PODNL1: variants seen among roughly 807,000 people sequenced by gnomAD.
PODNL1 encodes podocan-like protein 1.
PODNL1 carries 50 observed loss-of-function variants against 45.1 expected under a neutral mutation model. That is an observed-to-expected ratio of 1.11 (90% CI 0.88 to 1.40). PODNL1 has a LOEUF of 1.40. PODNL1 is among the 40% of genes most tolerant of loss of function. The probability of loss-of-function intolerance (pLI) is 0.00; values close to 1 mark genes in which losing one functional copy is unlikely to be tolerated. For missense variants in PODNL1, 788 were observed against 793.3 expected (o/e 0.99, Z 0.08); for synonymous variants, 406 against 372.5 (o/e 1.09, Z -1.04).
At position 13,936,034 on chromosome 19, in the gene PODNL1, G is replaced by A. The variant is rs373116090; in HGVS notation, c.330C>T (p.Asp110=). Reference sequence around the variant, plus strand: ...GCTGGGTGAGGGACTCGAAGGCCTCGTCAGGCAGGCCTGGGAGAGTAGGGG... The same window carrying A: ...GCTGGGTGAGGGACTCGAAGGCCTCATCAGGCAGGCCTGGGAGAGTAGGGG... ...NNLISSEGLP[D]EAFESLTQLQ... The change falls in exon 4 of 10, where the codon GAC becomes GAT. Residue 110 remains aspartate, a synonymous_variant. Coordinates refer to ENST00000588872, the MANE Select transcript of PODNL1 (RefSeq NM_001370095.3). 5.2e-5 allele frequency: 80 copies of A among 1,550,720 alleles called. No individual in the cohort carries two copies. In the Middle Eastern group the frequency reaches 6.6e-4, roughly 13 times the overall value.
rs1411001566 is a variant in PODNL1 at position 13,933,421 on chromosome 19, G to T, written c.802C>A (p.His268Asn). 6.3e-7 allele frequency: 1 copy of T among 1,593,844 alleles called. No individual in the cohort carries two copies. The highest frequency in any genetic ancestry group is 1.1e-5 in the South Asian group (1 of 89,494). ...GCGGGCACTGTGGTCAGCTGGTTGT[G>T]GGAGAGATCCAGGTATTCAAGGCTA... is the stretch of plus-strand genomic sequence containing the variant. Reference protein sequence around the residue: ...LHSLEYLDLSHNQLTTVPAGL... With the variant: ...LHSLEYLDLSNNQLTTVPAGL... Residue 268 changes from histidine (H) to asparagine (N), a missense_variant, in exon 8 of 10, where the codon CAC becomes AAC. His to Asn is a moderately conservative substitution (Grantham distance 68, BLOSUM62 1). This residue lies in a region of PODNL1 where 762 missense variants were observed against 750.9 expected (regional missense o/e 1.01). Transcript: ENST00000588872. The surrounding 1 kb of genome is among the most constrained non-coding windows in gnomAD (Gnocchi z 5.2).
intron 1 of PODNL1, among the ~76,000 whole-genome samples, chr19:13,950,755 A>G (rs951602874): frequency 8.5e-5 from 13 of 152,186 alleles, no homozygotes; most frequent in African/African-American, 3.1e-4. Context: ...CTAAAGATAC[A>G]TTGTGATGGC....
At chr19:13,934,047 G>T in intron 6 of PODNL1, 54 bp from the exon 7 acceptor site, 2 of 1,487,872 alleles carry the variant, frequency 1.3e-6, no homozygotes, top group Non-Finnish European at 1.8e-6. Flanking sequence ...GCAGCGGGAA[G>T]CCACAGACGG....
chr19:13,937,958 CGACGGGCGG>C lies in PODNL1; in HGVS notation c.43_51del (p.Pro15_Val17del), dbSNP rs779702654. On this transcript the variant is annotated inframe_deletion, in exon 2 of 10. Transcript: ENST00000588872. ...GGGAAGGCAGCGTCTTCCAAGCCGG[CGACGGGCGG>C]GGGCCCCGGCAACAGCAGGAGCAGC... 190 of 1,542,312 alleles carry C rather than the reference CGACGGGCGG, an allele frequency of 1.2e-4. No individual in the cohort carries two copies. The highest frequency in any genetic ancestry group is 1.4e-4 in the Non-Finnish European group (158 of 1,140,684).
At chr19:13,950,223 A>G (rs1240327332) in intron 1 of PODNL1, among the ~76,000 whole-genome samples, 3 of 152,096 alleles carry the variant, frequency 2.0e-5, no homozygotes, top group Non-Finnish European at 4.4e-5. Context: ...GCTGGAGTGC[A>G]GTGGCACCAT....
At chr19:13,937,472 C>T (rs1972453035) in intron 2 of PODNL1, among the ~76,000 whole-genome samples, 1 of 150,496 alleles carries the variant, frequency 6.6e-6, no homozygotes, top group Non-Finnish European at 1.5e-5. Flanking sequence ...CCCCACACGC[C>T]ACAACATCCC....
intron 1 of PODNL1, among the ~76,000 whole-genome samples, chr19:13,947,170 GAAAAAAAAAAAA>G (rs758733245): frequency 2.5e-3 from 67 of 27,088 alleles, no homozygotes; most frequent in African/African-American, 7.2e-3. Flanking sequence ...CTCCATCTCA[GAAAAAAAAAAAA>G]AAAAAAAAAA....
intron 5 of PODNL1, 23 bp from the exon 6 acceptor site, chr19:13,934,433 C>A: frequency 6.8e-7 from 1 of 1,479,728 alleles, no homozygotes; most frequent in South Asian, 1.4e-5. Context: ...AGGCTCCGGC[C>A]ACCAGCCTGC....
chr19:13,940,817 G>A (rs1972633627), upstream of PODNL1, among the ~76,000 whole-genome samples: 2 of 152,188 alleles, frequency 1.3e-5, no homozygotes, highest in African/African-American at 4.8e-5. Flanking sequence ...TTGGGAGGCA[G>A]AGGTTGCAGT....
In PODNL1 at chr19:13,934,510, T is replaced by C. The variant is rs1334752801; in HGVS notation, c.495-100A>G. ...CAGGGTCGCCTTCAGTGTGTGTGTG[T>C]GTGTGTGTGTGTGTGTGCGCGCGCA... On this transcript the variant is annotated intron_variant, in intron 5 of 9. Transcript: ENST00000588872. The C allele has an allele frequency of 4.6e-6, 5 of 1,077,408 alleles. No homozygotes were observed. In the African/African-American group the frequency reaches 4.9e-5, roughly 10 times the overall value. 66.7% of individuals were successfully genotyped at this position (1,077,408 alleles called of 1,614,324 possible).
Position 13,933,814 on chromosome 19 carries a change from G to A in PODNL1, c.767+64C>T. On this transcript the variant is annotated intron_variant, in intron 7 of 9. Transcript: ENST00000588872. The surrounding 1 kb of genome is among the most constrained non-coding windows in gnomAD (Gnocchi z 5.2). Reference sequence around the variant, plus strand: ...GCTTAGGAGCCAGTCAGGGAAGGGGGACTGAAGGTTGGGACCCCCGACTGT... The same window carrying A: ...GCTTAGGAGCCAGTCAGGGAAGGGGAACTGAAGGTTGGGACCCCCGACTGT... 2.2e-6 allele frequency: 3 copies of A among 1,373,072 alleles called. No homozygotes were observed. The highest frequency in any genetic ancestry group is 3.0e-6 in the Non-Finnish European group (3 of 987,322). 85.1% of individuals were successfully genotyped at this position (1,373,072 alleles called of 1,614,324 possible).
intron 1 of PODNL1, among the ~76,000 whole-genome samples, chr19:13,945,896 A>AC (rs977664328): frequency 3.4e-5 from 5 of 146,704 alleles, no homozygotes; most frequent in South Asian, 2.2e-4. Context: ...TAAAAAAAAA[A>AC]AAACAAACTT....
At chr19:13,943,121 A>T (rs551267658), upstream of PODNL1, among the ~76,000 whole-genome samples, 12 of 151,418 alleles carry the variant, frequency 7.9e-5, no homozygotes, top group East Asian at 1.9e-3. Context: ...ACATGGATAA[A>T]CCCCGTCTCT....
chr19:13,942,395 A>G (rs1972683372), upstream of PODNL1, among the ~76,000 whole-genome samples: 1 of 152,138 alleles, frequency 6.6e-6, no homozygotes, highest in Non-Finnish European at 1.5e-5. Flanking sequence ...TCATTGGCCT[A>G]AATTTGGTCA....
At chr19:13,934,986 G>A (rs1026392714) in intron 5 of PODNL1, among the ~76,000 whole-genome samples, 8 of 152,042 alleles carry the variant, frequency 5.3e-5, no homozygotes, top group Non-Finnish European at 1.0e-4. Context: ...ATGTGATTGC[G>A]TGTGCATGCA....
chr19:13,948,221 C>T (rs1345930624), intron 1 of PODNL1, among the ~76,000 whole-genome samples: 16 of 148,886 alleles, frequency 1.1e-4, no homozygotes, highest in African/African-American at 3.7e-4. Context: ...TTTTTTGAGA[C>T]GGAGTCTTGA....
chr19:13,951,310 A>T (rs368815571), intron 1 of PODNL1, among the ~76,000 whole-genome samples: 3 of 150,250 alleles, frequency 2.0e-5, no homozygotes, highest in Non-Finnish European at 3.0e-5. Context: ...TGAAGACAAT[A>T]AAAAAAAACT....
chr19:13,933,462 GGA>G lies in PODNL1; in HGVS notation c.768-9_768-8del, dbSNP rs1360370232. On this transcript the variant is annotated splice_polypyrimidine_tract_variant and splice_region_variant and intron_variant, in intron 7 of 9. Transcript: ENST00000588872. This position sits in a 1 kb window ranked among gnomAD's most constrained non-coding sequence, Gnocchi z 5.2. ...TTCAAGGCTATGCAGCTTGCTGGAA[GGA>G]GAGAGGGTCGGTGTTAGGTGGGGCA... 4.5e-6 allele frequency: 7 copies of G among 1,550,858 alleles called. No homozygotes were observed. Among genetic ancestry groups the G allele is most frequent in the Admixed American group, 1.8e-5 (1 of 54,706 alleles).
chr19:13,953,147 G>T (rs1973162510), exon 1 of PODNL1: 3 of 1,547,166 alleles, frequency 1.9e-6, no homozygotes, highest in African/African-American at 2.7e-5. Context: ...TGAAAGTGTG[G>T]GAGCTCCCTG....
Sources: allele counts gnomAD v4.1 joint callset (sites outside exome capture counted in the v4.1 genomes callset), GRCh38; gene constraint gnomAD v4.1.1; regional missense constraint gnomAD v4.1.1; non-coding constraint Gnocchi (gnomAD v3.1); transcripts MANE v1.5; gene names NCBI Gene and HGNC (gene_info 2026-07-23, HGNC 2026-07-21).